The following ALMS1 variants were observed in gnomAD, a reference collection of about 807,000 sequenced individuals.
ALMS1 encodes centrosome-associated protein ALMS1.
ALMS1 carries 271 observed loss-of-function variants against 352.2 expected under a neutral mutation model. The observed-to-expected ratio is 0.77, with a 90% CI of 0.70 to 0.85. The LOEUF is 0.85. Among genes scored for constraint, ALMS1 ranks in the 40% least tolerant of loss-of-function variants. The pLI, the probability that ALMS1 is intolerant of heterozygous loss-of-function variation, is 0.00. For missense variants in ALMS1, 5,445 were observed against 4,870.7 expected (o/e 1.12, Z -3.51); for synonymous variants, 1,865 against 1,761.2 (o/e 1.06, Z -1.48).
At chr2:73,561,325 T>C (rs1674657881) in intron 15 of ALMS1, among the ~76,000 whole-genome samples, 1 of 134,534 alleles carries the variant, frequency 7.4e-6, no homozygotes, top group African/African-American at 3.5e-5. Context: ...GAAAATTTGT[T>C]TTTTCTTCTC....
At chr2:73,518,876 G>T (rs760891493) in intron 10 of ALMS1, among the ~76,000 whole-genome samples, 2 of 152,110 alleles carry the variant, frequency 1.3e-5, no homozygotes, top group Admixed American at 6.6e-5. Context: ...TAGGTTGTCT[G>T]TTTGCTCTGT....
intron 11 of ALMS1, among the ~76,000 whole-genome samples, chr2:73,529,805 G>A (rs1332365875): frequency 6.6e-6 from 1 of 152,180 alleles, no homozygotes; most frequent in Non-Finnish European, 1.5e-5. Flanking sequence ...GGAGGCCTCA[G>A]GAAACTTACA....
At chr2:73,535,755 A>T (rs769208442) in intron 12 of ALMS1, among the ~76,000 whole-genome samples, 10 of 152,144 alleles carry the variant, frequency 6.6e-5, no homozygotes, top group Non-Finnish European at 1.2e-4. Flanking sequence ...AAGGGTGCAG[A>T]GTTAGTGTGG....
chr2:73,581,083 G>T (rs1234968196), intron 16 of ALMS1, among the ~76,000 whole-genome samples: 1 of 152,148 alleles, frequency 6.6e-6, no homozygotes, highest in East Asian at 1.9e-4. Context: ...CTTGCTCTGT[G>T]CATGCACTTT....
intron 4 of ALMS1, among the ~76,000 whole-genome samples, chr2:73,423,935 G>A (rs147528713): frequency 5.2e-4 from 79 of 152,072 alleles, no homozygotes; most frequent in Non-Finnish European, 8.4e-4. Context: ...GTGCCACCAT[G>A]CCCAGCCAAT....
At chr2:73,584,115 A>G (rs1021344722) in intron 16 of ALMS1, among the ~76,000 whole-genome samples, 4 of 152,302 alleles carry the variant, frequency 2.6e-5, no homozygotes, top group Non-Finnish European at 4.4e-5. Context: ...TCAATCTGTC[A>G]GTGTCAGATA....
chr2:73,580,124 A>G (rs1675143408), intron 16 of ALMS1, among the ~76,000 whole-genome samples: 2 of 152,002 alleles, frequency 1.3e-5, no homozygotes, highest in Non-Finnish European at 2.9e-5. Context: ...ACTATCCCAG[A>G]CTGGAGTACA....
intron 11 of ALMS1, 53 bp from the exon 12 acceptor site, chr2:73,534,771 A>T: frequency 1.3e-6 from 2 of 1,588,666 alleles, no homozygotes; most frequent in South Asian, 2.2e-5. Flanking sequence ...ATATTTGTTC[A>T]ATGAATTAAC....
At chr2:73,396,047 G>A (rs530535690) in intron 1 of ALMS1, among the ~76,000 whole-genome samples, 2 of 152,242 alleles carry the variant, frequency 1.3e-5, no homozygotes, top group South Asian at 4.1e-4. Context: ...GCTGTGGGTT[G>A]GACAAACTTG....
chr2:73,500,670 C>T (rs150651875), intron 10 of ALMS1, among the ~76,000 whole-genome samples: 3 of 152,118 alleles, frequency 2.0e-5, no homozygotes, highest in Non-Finnish European at 4.4e-5. Context: ...TAGAAGGCTT[C>T]GCTGTGAAGT....
At chr2:73,473,014 C>T (rs1300378148) in intron 9 of ALMS1, among the ~76,000 whole-genome samples, 5 of 151,906 alleles carry the variant, frequency 3.3e-5, no homozygotes, top group Admixed American at 2.0e-4. Context: ...AAAGGAGATA[C>T]GGGGTGGTAT....
rs554044363 is a variant in ALMS1, at chr2:73,553,144, A to G, written c.10078+2707A>G. Among the ~76,000 whole-genome samples, 9 of 152,356 alleles carry G rather than the reference A, an allele frequency of 5.9e-5. No individual in the cohort carries two copies. The South Asian group carries it at 1.7e-3, about 28-fold the overall frequency. On this transcript the variant is annotated intron_variant, in intron 13 of 22. Transcript: ENST00000613296. ...TTGAAAAGAGATTCTAACAGCTTCC[A>G]AAAAGAAAACATACATTCCATATAA...
In ALMS1 at chr2:73,452,292, T is replaced by C. The variant is rs761428155; in HGVS notation, c.5765T>C (p.Val1922Ala). The change falls in exon 8 of 23, where the codon GTT becomes GCT. Residue 1922 changes from valine to alanine, a missense_variant. Physicochemically the swap from Val to Ala is moderately conservative, Grantham distance 64 (BLOSUM62 0). Coordinates refer to ENST00000613296, the MANE Select transcript of ALMS1 (RefSeq NM_001378454.1). The stretch of plus-strand genomic sequence containing the variant: ...ACTGAAGAAGCTTTAAATGTTTTTG[T>C]TGTTCCTGGACAAGGTGACCGGAAG... The part of the protein sequence containing the change: ...DVTEEALNVF[V>A]VPGQGDRKTE... 20 of 1,614,056 alleles carry C rather than the reference T, an allele frequency of 1.2e-5. No homozygotes were observed. In the East Asian group the frequency reaches 4.5e-4, roughly 36 times the overall value.
At chr2:73,491,970 G>A (rs1250541285) in intron 10 of ALMS1, among the ~76,000 whole-genome samples, 3 of 152,062 alleles carry the variant, frequency 2.0e-5, no homozygotes, top group African/African-American at 7.2e-5. Flanking sequence ...GCTTTACAGT[G>A]GAAAATCCTG....
At chr2:73,395,048 A>ATATATGTG (rs1572897134) in intron 1 of ALMS1, among the ~76,000 whole-genome samples, 3 of 118,130 alleles carry the variant, frequency 2.5e-5, no homozygotes, top group East Asian at 4.1e-4. Flanking sequence ...GTGTGTGTAT[A>ATATATGTG]TATATATATG....
chr2:73,588,074 T>C (rs527471613), intron 16 of ALMS1, among the ~76,000 whole-genome samples: 1 of 152,318 alleles, frequency 6.6e-6, no homozygotes, highest in East Asian at 1.9e-4. Flanking sequence ...GATTCACAGC[T>C]GAATTCTATC....
intron 21 of ALMS1, among the ~76,000 whole-genome samples, chr2:73,607,445 A>C (rs575121307): frequency 1.3e-5 from 2 of 152,026 alleles, no homozygotes; most frequent in African/African-American, 4.8e-5. Context: ...AACAGATCCC[A>C]TGTTTTTCAC....
intron 16 of ALMS1, among the ~76,000 whole-genome samples, chr2:73,589,233 A>G (rs1423149121): frequency 2.0e-5 from 3 of 148,734 alleles, no homozygotes; most frequent in Non-Finnish European, 4.5e-5. Context: ...AAAAAGTTAT[A>G]AGCTTAGAAG....
At chr2:73,485,191 C>T (rs993405784) in intron 9 of ALMS1, among the ~76,000 whole-genome samples, 2 of 152,102 alleles carry the variant, frequency 1.3e-5, no homozygotes, top group African/African-American at 4.8e-5. Context: ...CTGTTTTTTC[C>T]CCATCTTTGT....
Sources: allele counts gnomAD v4.1 joint callset (sites outside exome capture counted in the v4.1 genomes callset), GRCh38; gene constraint gnomAD v4.1.1; transcripts MANE v1.5; gene names NCBI Gene and HGNC (gene_info 2026-07-23, HGNC 2026-07-21).